MRC2: variants seen among roughly 807,000 people sequenced by gnomAD.
MRC2 encodes the protein mannose receptor C-type 2, also known as C-type mannose receptor 2.
Under a neutral mutation model 206.2 loss-of-function variants are expected in MRC2, and 84 were observed. The ratio of observed to expected loss-of-function variants is 0.41; its 90% CI spans 0.34 to 0.49. MRC2 has a LOEUF of 0.49. Ranked by LOEUF, MRC2 falls within the 20% of genes least tolerant of loss-of-function variation. MRC2 has a pLI of 0.31. For missense variants in MRC2, 1,676 were observed against 2,001.5 expected, an observed-to-expected ratio of 0.84 and a Z score of 3.10; for synonymous variants, 798 against 800.0, an observed-to-expected ratio of 1.00 and a Z score of 0.04.
At chr17:62,645,635 G>T (rs1021586952) in intron 1 of MRC2, among the ~76,000 whole-genome samples, 1 of 144,260 alleles carries the variant, frequency 6.9e-6, no homozygotes, top group Non-Finnish European at 1.5e-5. Context: ...CTGGGCTCAA[G>T]CAATCCTCCC....
chr17:62,649,731 T>C (rs1032617252), intron 1 of MRC2, among the ~76,000 whole-genome samples: 4 of 152,140 alleles, frequency 2.6e-5, no homozygotes, highest in African/African-American at 9.7e-5. Context: ...TATTGTGCTG[T>C]GCTTCAAATG....
chr17:62,692,546 T>A lies in MRC2; in HGVS notation c.*95T>A. 7.9e-7 allele frequency: 1 copy of A among 1,271,638 alleles called. No individual in the cohort carries two copies. The highest frequency in any genetic ancestry group is 2.6e-5 in the East Asian group (1 of 39,190). 78.8% of individuals were successfully genotyped at this position (1,271,638 alleles called of 1,614,324 possible). ...CCACCAGCTGCCTGTCCAGTTGGCC[T>A]ATGGAAGGGTGCCCTTGGGAGTCGC... On this transcript the variant is annotated 3_prime_UTR_variant, in exon 30 of 30. Coordinates refer to ENST00000303375, the MANE Select transcript of MRC2 (RefSeq NM_006039.5). The surrounding 1 kb of genome is among the most constrained non-coding windows in gnomAD (Gnocchi z 4.2).
chr17:62,682,237 G>T lies in MRC2; in HGVS notation c.2806G>T (p.Asp936Tyr). The T allele has an allele frequency of 6.3e-7, 1 of 1,591,190 alleles. No homozygotes were observed. The highest frequency in any genetic ancestry group is 8.6e-7 in the Non-Finnish European group (1 of 1,168,034). ...KCVYMTASRE[D>Y]WGDQRCLTAL... Reference sequence around the variant, plus strand: ...GCCCTCCCCTCCCCTTTCCGCAGAGGACTGGGGGGACCAGAGGTGCCTGAC... The same window carrying T: ...GCCCTCCCCTCCCCTTTCCGCAGAGTACTGGGGGGACCAGAGGTGCCTGAC... Residue 936 changes from aspartate (D) to tyrosine (Y), a missense_variant and splice_region_variant, in exon 20 of 30, where the codon GAC becomes TAC. Asp to Tyr is a radical substitution (Grantham distance 160, BLOSUM62 -3). Transcript: ENST00000303375.
chr17:62,670,293 C>T (rs967922027), intron 6 of MRC2, among the ~76,000 whole-genome samples: 1 of 152,220 alleles, frequency 6.6e-6, no homozygotes, highest in East Asian at 1.9e-4. Flanking sequence ...TGAGGCCCCT[C>T]GGGTCTCAGC....
At chr17:62,649,935 T>C (rs1450646579) in intron 1 of MRC2, among the ~76,000 whole-genome samples, 1 of 151,890 alleles carries the variant, frequency 6.6e-6, no homozygotes, top group Non-Finnish European at 1.5e-5. Flanking sequence ...AGTGTCGCTC[T>C]ATTGCTGAGG....
intron 1 of MRC2, among the ~76,000 whole-genome samples, chr17:62,641,303 G>C (rs192000314): frequency 6.9e-6 from 1 of 144,218 alleles, no homozygotes; most frequent in Admixed American, 7.0e-5. Flanking sequence ...CCAACAGACC[G>C]AGACTGTCTC....
intron 1 of MRC2, among the ~76,000 whole-genome samples, chr17:62,660,247 A>G (rs2088664910): frequency 2.0e-5 from 3 of 152,228 alleles, no homozygotes; most frequent in Non-Finnish European, 4.4e-5. Context: ...TGGTTTGAGG[A>G]GCTCATACAG....
intron 27 of MRC2, 47 bp from the exon 28 acceptor site, chr17:62,690,902 T>C: frequency 6.6e-7 from 1 of 1,522,254 alleles, no homozygotes; most frequent in Non-Finnish European, 8.8e-7. Flanking sequence ...CTCCACCTAC[T>C]CCTGCCCCAC....
intron 1 of MRC2, among the ~76,000 whole-genome samples, chr17:62,632,910 C>T (rs906795006): frequency 1.3e-5 from 2 of 152,308 alleles, no homozygotes; most frequent in Admixed American, 6.5e-5. Context: ...TGGCCCCTTC[C>T]TCCTGTAGAT....
Position 62,690,781 on chromosome 17 carries a change from G to A in MRC2, c.4012+20G>A. Reference sequence around the variant, plus strand: ...CCAAAGGTGGGTGCCCTGTGTGTGGGGTGGAGAGGTCAAGCCTCAGGCTGT... The same window carrying A: ...CCAAAGGTGGGTGCCCTGTGTGTGGAGTGGAGAGGTCAAGCCTCAGGCTGT... On this transcript the variant is annotated intron_variant, in intron 27 of 29. Transcript: ENST00000303375. The A allele has an allele frequency of 6.3e-7, 1 of 1,585,566 alleles. No homozygotes were observed. Among genetic ancestry groups the A allele is most frequent in the Middle Eastern group, 1.7e-4 (1 of 5,920 alleles).
Position 62,680,058 on chromosome 17 carries a change from C to T in MRC2, c.2299-112C>T, listed in dbSNP as rs1432646843. 1.9e-6 allele frequency: 3 copies of T among 1,544,550 alleles called. No individual in the cohort carries two copies. Among genetic ancestry groups the T allele is most frequent in the Non-Finnish European group, 2.6e-6 (3 of 1,134,458 alleles). ...GCAGGTCCGAGAGGGGTCACCCGGC[C>T]CCCGGTGAGAATTCGCAGCTCAGGC... On this transcript the variant is annotated intron_variant, in intron 14 of 29. Coordinates refer to ENST00000303375, the MANE Select transcript of MRC2 (RefSeq NM_006039.5). The surrounding 1 kb of genome is among the most constrained non-coding windows in gnomAD (Gnocchi z 4.8).
At chr17:62,679,708 C>T (rs2088936530) in intron 13 of MRC2, 92 bp from the exon 14 acceptor site, 5 of 1,251,216 alleles carry the variant, frequency 4.0e-6, no homozygotes, top group Non-Finnish European at 4.5e-6. Context: ...GGGGCTGCCC[C>T]GGTCACAGCT....
chr17:62,639,372 A>G (rs1431646796), intron 1 of MRC2, among the ~76,000 whole-genome samples: 1 of 152,148 alleles, frequency 6.6e-6, no homozygotes, highest in Non-Finnish European at 1.5e-5. Flanking sequence ...ACAAAGTGCA[A>G]GGATCACTGG....
chr17:62,645,523 A>ATTTTTT (rs1275675979), intron 1 of MRC2, among the ~76,000 whole-genome samples: 3 of 40,076 alleles, frequency 7.5e-5, no homozygotes, highest in Non-Finnish European at 1.4e-4. Flanking sequence ...ATATATATAT[A>ATTTTTT]TATATTTTTT....
rs374585709 is a variant in MRC2 at position 62,671,608 on chromosome 17, G to A, written c.1118-41G>A. ...CCCAGTGGGTTGGTTCCCAGACTGG[G>A]CGGCTCAGTCCCTGAGCAGCAGCCT... On this transcript the variant is annotated intron_variant, in intron 6 of 29. Coordinates refer to ENST00000303375, the MANE Select transcript of MRC2 (RefSeq NM_006039.5). This position sits in a 1 kb window ranked among gnomAD's most constrained non-coding sequence, Gnocchi z 4.5. 9.9e-6 allele frequency: 15 copies of A among 1,517,000 alleles called. No individual in the cohort carries two copies. Among genetic ancestry groups the A allele is most frequent in the Non-Finnish European group, 1.3e-5 (15 of 1,131,028 alleles). The allele number at this position is 1,517,000 out of a possible 1,614,324, so 94.0% of individuals were successfully genotyped here.
At chr17:62,639,626 C>T (rs1025973012) in intron 1 of MRC2, among the ~76,000 whole-genome samples, 42 of 152,004 alleles carry the variant, frequency 2.8e-4, no homozygotes, top group Non-Finnish European at 4.7e-4. Context: ...AAAAAATGTT[C>T]TTAGAAGTGT....
intron 1 of MRC2, among the ~76,000 whole-genome samples, chr17:62,643,309 CAA>C (rs2088429701): frequency 2.2e-5 from 2 of 91,314 alleles, no homozygotes; most frequent in South Asian, 7.2e-4. Flanking sequence ...GCCTGGGTGA[CAA>C]AGAGTGAAAC....
Position 62,682,396 on chromosome 17 carries a change from G to A in MRC2, c.2946+19G>A. 6.3e-7 allele frequency: 1 copy of A among 1,599,096 alleles called. No individual in the cohort carries two copies. Among genetic ancestry groups the A allele is most frequent in the Non-Finnish European group, 8.5e-7 (1 of 1,173,996 alleles). ...CAACAAGGTAGGAGGTGGCAATGGG[G>A]CACCCAAGGGAGTCAGGGGAGAGGA... On this transcript the variant is annotated intron_variant, in intron 20 of 29. Transcript: ENST00000303375.
intron 28 of MRC2, 137 bp downstream of exon 28, chr17:62,691,265 G>A: frequency 2.1e-6 from 2 of 974,854 alleles, no homozygotes; most frequent in Non-Finnish European, 2.9e-6. Context: ...GCGGGCAGCT[G>A]GGACCCCCGG....
Sources: gnomAD v4.1 joint callset for allele counts (sites outside exome capture counted in the v4.1 genomes callset) on GRCh38, gnomAD v4.1.1 for gene constraint, Gnocchi (gnomAD v3.1) non-coding constraint, MANE v1.5 for transcripts, NCBI Gene and HGNC (gene_info 2026-07-23, HGNC 2026-07-21) for gene names.